ATG10: variants seen among roughly 807,000 people sequenced by gnomAD.
ATG10 encodes autophagy related 10, also known as ubiquitin-like-conjugating enzyme ATG10.
A neutral mutation model predicts 32.1 loss-of-function variants in ATG10; 30 were observed. That is an observed-to-expected ratio of 0.94 (90% CI 0.70 to 1.27). The LOEUF (loss-of-function observed/expected upper bound fraction) is 1.27, where lower values mean the gene tolerates loss of function less well. Among genes scored for constraint, ATG10 ranks in the 50% most tolerant of loss-of-function variants. ATG10 has a pLI of 0.00. For missense variants in ATG10, 233 were observed against 262.3 expected, an observed-to-expected ratio of 0.89 and a Z score of 0.77; for synonymous variants, 87 against 91.5, an observed-to-expected ratio of 0.95 and a Z score of 0.28.
chr5:82,241,027 C>A (rs1011232857), intron 5 of ATG10, among the ~76,000 whole-genome samples: 16 of 152,006 alleles, frequency 1.1e-4, no homozygotes, highest in African/African-American at 3.1e-4. Context: ...ACATTGATGG[C>A]TGAATGAATG....
At chr5:82,020,827 T>TG (rs1762413918) in intron 2 of ATG10, among the ~76,000 whole-genome samples, 1 of 152,128 alleles carries the variant, frequency 6.6e-6, no homozygotes, top group South Asian at 2.1e-4. Flanking sequence ...CCAAAGGACA[T>TG]GGATATAGGG....
intron 2 of ATG10, among the ~76,000 whole-genome samples, chr5:81,998,320 T>G (rs183144295): frequency 6.6e-6 from 1 of 152,332 alleles, no homozygotes; most frequent in Admixed American, 6.5e-5. Context: ...ATAAGATCCT[T>G]TCCAGACAAG....
chr5:82,219,445 A>G (rs1561363633), intron 5 of ATG10, among the ~76,000 whole-genome samples: 1 of 152,236 alleles, frequency 6.6e-6, no homozygotes, highest in Non-Finnish European at 1.5e-5. Flanking sequence ...CTGACTGTTT[A>G]CTAGGTCCTG....
At chr5:82,220,038 A>G (rs1328410446) in intron 5 of ATG10, among the ~76,000 whole-genome samples, 1 of 152,192 alleles carries the variant, frequency 6.6e-6, no homozygotes, top group Non-Finnish European at 1.5e-5. Context: ...GGAAGGAACA[A>G]GTGCAGTTTT....
chr5:82,178,350 C>A (rs1744109894), intron 4 of ATG10, 140 bp from the exon 5 acceptor site: 1 of 538,418 alleles, frequency 1.9e-6, no homozygotes, highest in South Asian at 2.8e-5. Context: ...ATTCATATAG[C>A]ACTCTCTTGA....
chr5:82,059,114 C>T (rs1294741467), intron 3 of ATG10, among the ~76,000 whole-genome samples: 2 of 152,040 alleles, frequency 1.3e-5, no homozygotes. Context: ...GGGTCTTATT[C>T]CTTAGGGGAC....
intron 2 of ATG10, among the ~76,000 whole-genome samples, chr5:82,022,456 G>A (rs1762470404): frequency 6.6e-6 from 1 of 150,398 alleles, no homozygotes; most frequent in Non-Finnish European, 1.5e-5. Context: ...AGCCTCCCGA[G>A]TAGCTGGGAT....
At chr5:81,982,848 C>A (rs1761097100) in intron 1 of ATG10, among the ~76,000 whole-genome samples, 1 of 152,244 alleles carries the variant, frequency 6.6e-6, no homozygotes. Flanking sequence ...CGAGTGGACA[C>A]AGCACATGTT....
intron 5 of ATG10, among the ~76,000 whole-genome samples, chr5:82,188,339 A>G (rs1454765184): frequency 6.6e-6 from 1 of 152,192 alleles, no homozygotes; most frequent in African/African-American, 2.4e-5. Flanking sequence ...GACTCAGCAC[A>G]TGCTTTGAAT....
chr5:82,121,033 T>C (rs1766021449), intron 3 of ATG10, among the ~76,000 whole-genome samples: 1 of 152,198 alleles, frequency 6.6e-6, no homozygotes. Context: ...TTCAGTAATA[T>C]GGGATTCAGT....
Position 82,197,720 on chromosome 5 carries a change from TTCTATCTATCTATCTATCTATCTATCTA to T in ATG10, c.453+19161_453+19188del, listed in dbSNP as rs10586711. Among the ~76,000 whole-genome samples, 1,116 of 143,938 alleles carry T rather than the reference TTCTATCTATCTATCTATCTATCTATCTA, an allele frequency of 7.8e-3. 8 individuals carry two copies. The highest frequency in any genetic ancestry group is 0.028 in the African/African-American group (1,059 of 38,110). 94.4% of individuals were successfully genotyped at this position (143,938 alleles called of 152,430 possible). ...CCCATTATTTTCTTTCTTTCTTTCT[TTCTATCTATCTATCTATCTATCTATCTA>T]TCTATCTATCTATCTATCTATCTAT... On this transcript the variant is annotated intron_variant, in intron 5 of 7. Coordinates refer to ENST00000282185, the MANE Select transcript of ATG10 (RefSeq NM_031482.5).
intron 1 of ATG10, among the ~76,000 whole-genome samples, chr5:81,985,090 T>C (rs938970916): frequency 2.6e-5 from 4 of 152,232 alleles, no homozygotes; most frequent in Non-Finnish European, 4.4e-5. Context: ...ACTATGGCTA[T>C]TGAATGAAAT....
At chr5:82,142,431 G>C (rs1482454623) in intron 3 of ATG10, among the ~76,000 whole-genome samples, 1 of 152,118 alleles carries the variant, frequency 6.6e-6, no homozygotes, top group Non-Finnish European at 1.5e-5. Context: ...GCTCTTCTTG[G>C]CTGGGATGGC....
intron 1 of ATG10, among the ~76,000 whole-genome samples, chr5:81,975,332 AT>A (rs1298711743): frequency 2.0e-5 from 3 of 152,206 alleles, no homozygotes; most frequent in Admixed American, 6.5e-5. Flanking sequence ...AAATAAAAAA[AT>A]ATTTGGTTAC....
chr5:82,024,209 T>G (rs1230258575), intron 2 of ATG10, among the ~76,000 whole-genome samples: 2 of 152,320 alleles, frequency 1.3e-5, no homozygotes, highest in South Asian at 4.1e-4. Flanking sequence ...GTATCCCAAG[T>G]GGCTCTTTCA....
At chr5:82,063,900 T>A (rs1763863118) in intron 3 of ATG10, among the ~76,000 whole-genome samples, 1 of 152,122 alleles carries the variant, frequency 6.6e-6, no homozygotes, top group Non-Finnish European at 1.5e-5. Flanking sequence ...ATCTGGGTGA[T>A]GAAATAATCT....
At chr5:81,977,321 C>A (rs1160871569) in intron 1 of ATG10, among the ~76,000 whole-genome samples, 1 of 152,190 alleles carries the variant, frequency 6.6e-6, no homozygotes, top group Non-Finnish European at 1.5e-5. Flanking sequence ...TTACCTACTT[C>A]CCAGTATTTC....
At chr5:82,016,712 G>A (rs571448162) in intron 2 of ATG10, among the ~76,000 whole-genome samples, 3 of 148,822 alleles carry the variant, frequency 2.0e-5, no homozygotes, top group African/African-American at 4.9e-5. Flanking sequence ...TTTTTGAGAT[G>A]GAGTCTTGCT....
At chr5:82,088,752 C>T (rs1387831272) in intron 3 of ATG10, among the ~76,000 whole-genome samples, 2 of 152,112 alleles carry the variant, frequency 1.3e-5, no homozygotes, top group African/African-American at 2.4e-5. Context: ...TCAAAATACC[C>T]ATGTGGGGTA....
Sources: gnomAD v4.1 joint callset for allele counts (sites outside exome capture counted in the v4.1 genomes callset) on GRCh38, gnomAD v4.1.1 for gene constraint, MANE v1.5 for transcripts, NCBI Gene and HGNC (gene_info 2026-07-23, HGNC 2026-07-21) for gene names.